REV3L: variants seen among roughly 807,000 people sequenced by gnomAD.
The protein encoded by REV3L is DNA polymerase zeta catalytic subunit.
A neutral mutation model predicts 299.4 loss-of-function variants in REV3L; 69 were observed. The observed-to-expected ratio is 0.23, with a 90% confidence interval of 0.19 to 0.28. REV3L has a LOEUF of 0.28. Among genes scored for constraint, REV3L ranks in the 10% least tolerant of loss-of-function variants. REV3L has a pLI of 1.00. For synonymous variants in REV3L, 1,238 were observed against 1,271.4 expected, an observed-to-expected ratio of 0.97 and a Z score of 0.56; for missense variants, 3,128 against 3,693.8, an observed-to-expected ratio of 0.85 and a Z score of 3.97.
At chr6:111,325,011 GC>G (rs1049251973) in intron 25 of REV3L, among the ~76,000 whole-genome samples, 97 of 152,000 alleles carry the variant, frequency 6.4e-4, no homozygotes, top group African/African-American at 2.2e-3. Flanking sequence ...ACAGGCACCC[GC>G]CACTACGCCC....
chr6:111,449,292 G>A (rs1789226933), intron 1 of REV3L, among the ~76,000 whole-genome samples: 2 of 152,174 alleles, frequency 1.3e-5, no homozygotes, highest in South Asian at 4.1e-4. Flanking sequence ...ACGGAGCAGA[G>A]GGATAAGAAA....
intron 1 of REV3L, among the ~76,000 whole-genome samples, chr6:111,454,277 A>G (rs952017165): frequency 1.8e-4 from 28 of 152,080 alleles, no homozygotes; most frequent in African/African-American, 6.8e-4. Flanking sequence ...AAGTACTACC[A>G]TGTCAAAAGA....
Position 111,322,613 on chromosome 6 carries a change from A to G in REV3L, c.8307T>C (p.Asp2769=), listed in dbSNP as rs746649181. 1.9e-6 allele frequency: 3 copies of G among 1,614,138 alleles called. No individual in the cohort carries two copies. In the South Asian group the frequency reaches 3.3e-5, roughly 18 times the overall value. The change falls in exon 26 of 32, where the codon GAT becomes GAC. Residue 2769 remains aspartate, a synonymous_variant. Transcript: ENST00000368802. ...CAACCCTAGCCCCCCATTTCTTGGT[A>G]TCATTCACCAGTTTAATAGCTCGTT... ...TLERAIKLVN[D]TKKWGARVVY...
chr6:111,431,461 T>C (rs1786918291), intron 1 of REV3L: 1 of 1,054,172 alleles, frequency 9.5e-7, no homozygotes, highest in East Asian at 2.4e-5. Context: ...CAGAAGAAAC[T>C]TGATGAGACC....
intron 1 of REV3L, among the ~76,000 whole-genome samples, chr6:111,419,880 T>C (rs376189477): frequency 6.6e-6 from 1 of 152,154 alleles, no homozygotes; most frequent in South Asian, 2.1e-4. Flanking sequence ...AGTCTCGCTC[T>C]GTCACCCAGG....
intron 1 of REV3L, among the ~76,000 whole-genome samples, chr6:111,458,657 A>C (rs1790421505): frequency 6.6e-6 from 1 of 152,138 alleles, no homozygotes; most frequent in African/African-American, 2.4e-5. Context: ...GCTAAGAGCC[A>C]AATCAAGAAC....
chr6:111,462,635 A>G (rs939980968), intron 1 of REV3L, among the ~76,000 whole-genome samples: 1 of 152,198 alleles, frequency 6.6e-6, no homozygotes, highest in Non-Finnish European at 1.5e-5. Flanking sequence ...TTCCTAATTT[A>G]AAACTTAAGT....
intron 4 of REV3L, among the ~76,000 whole-genome samples, chr6:111,404,183 C>T (rs957895757): frequency 3.3e-5 from 5 of 152,168 alleles, no homozygotes; most frequent in Non-Finnish European, 7.3e-5. Flanking sequence ...TTCTGAAAAT[C>T]CTAGGGCCCT....
At chr6:111,431,278 G>A in intron 1 of REV3L, 1 of 1,417,888 alleles carries the variant, frequency 7.1e-7, no homozygotes, top group Non-Finnish European at 1.0e-6. Context: ...ACTGCCTGAA[G>A]ATGGAAGGCC....
intron 1 of REV3L, among the ~76,000 whole-genome samples, chr6:111,419,355 TAA>T (rs973024989): frequency 9.8e-5 from 15 of 152,332 alleles, no homozygotes; most frequent in African/African-American, 3.4e-4. Flanking sequence ...GAGAAATGTG[TAA>T]AAATGAACAC....
intron 21 of REV3L, among the ~76,000 whole-genome samples, chr6:111,341,796 T>C (rs1375891785): frequency 1.3e-5 from 2 of 151,954 alleles, no homozygotes; most frequent in Non-Finnish European, 2.9e-5. Flanking sequence ...TTATGAGTGA[T>C]AGCTCAAGGC....
At chr6:111,409,338 G>T (rs1181571912) in intron 3 of REV3L, among the ~76,000 whole-genome samples, 1 of 148,724 alleles carries the variant, frequency 6.7e-6, no homozygotes, top group Non-Finnish European at 1.5e-5. Context: ...ATGTCCTAAT[G>T]GATATTCTAA....
intron 1 of REV3L, among the ~76,000 whole-genome samples, chr6:111,450,658 T>A (rs1193192916): frequency 6.6e-6 from 1 of 151,978 alleles, no homozygotes; most frequent in East Asian, 1.9e-4. Context: ...AAAATGGTAC[T>A]ACAAGAGCAA....
In REV3L at chr6:111,373,137, G is replaced by A. The variant is rs199957039; in HGVS notation, c.5218C>T (p.Arg1740Cys). The A allele has an allele frequency of 8.0e-5, 129 of 1,614,108 alleles. 1 individual carries two copies. The Middle Eastern group carries it at 8.2e-4, about 10-fold the overall frequency. Residue 1740 changes from arginine to cysteine, a missense_variant, in exon 13 of 32, where the codon CGC becomes TGC. Arg to Cys is a radical substitution (Grantham distance 180). Transcript: ENST00000368802. ...AAGCTATTTTTCCACTGGTTGTGGC[G>A]ACGATTCTCATTGCTATCTATGGTT... is the stretch of plus-strand genomic sequence containing the variant. ...KSTIDSNENRRHNQWKNSFHP... is the reference protein window; with the variant it reads ...KSTIDSNENRCHNQWKNSFHP...
chr6:111,311,571 C>T (rs546987692), intron 28 of REV3L: 3 of 176,158 alleles, frequency 1.7e-5, no homozygotes, highest in East Asian at 3.0e-4. Context: ...TAGTCAAAGC[C>T]TCTAGGTACA....
chr6:111,424,698 T>TG (rs1340083258), intron 1 of REV3L, among the ~76,000 whole-genome samples: 1 of 152,198 alleles, frequency 6.6e-6, no homozygotes, highest in Non-Finnish European at 1.5e-5. Context: ...CTGCCACTAT[T>TG]GGACTTGTCT....
intron 27 of REV3L, among the ~76,000 whole-genome samples, chr6:111,314,875 A>C (rs1773355394): frequency 6.8e-6 from 1 of 146,964 alleles, no homozygotes; most frequent in Non-Finnish European, 1.5e-5. Context: ...TTTTAGAGAC[A>C]GGGTCTTACT....
chr6:111,413,764 G>A lies in REV3L; in HGVS notation c.330-2210C>T, dbSNP rs547028317. Among the ~76,000 whole-genome samples, 11 of 152,152 alleles carry A rather than the reference G, an allele frequency of 7.2e-5. No homozygotes were observed. The South Asian group carries it at 1.7e-3, about 23-fold the overall frequency. The stretch of plus-strand genomic sequence containing the variant: ...GTGAGCAGCTCATCTGTTGCCCCAT[G>A]TATCCAGATCTGTAACTCAACTACT... On this transcript the variant is annotated intron_variant, in intron 2 of 31. Coordinates refer to ENST00000368802, the MANE Select transcript of REV3L (RefSeq NM_001372078.1).
intron 1 of REV3L, among the ~76,000 whole-genome samples, chr6:111,475,149 C>T (rs1290918957): frequency 6.6e-6 from 1 of 151,878 alleles, no homozygotes; most frequent in Non-Finnish European, 1.5e-5. Flanking sequence ...TGCTTTTTTT[C>T]CTCATATCTT....
Sources: allele counts gnomAD v4.1 joint callset (sites outside exome capture counted in the v4.1 genomes callset), GRCh38; gene constraint gnomAD v4.1.1; transcripts MANE v1.5; gene names NCBI Gene and HGNC (gene_info 2026-07-23, HGNC 2026-07-21).